The following PTPRD variants were observed in gnomAD, a reference collection of about 807,000 sequenced individuals.
PTPRD encodes receptor-type tyrosine-protein phosphatase delta.
A neutral mutation model predicts 214.5 loss-of-function variants in PTPRD; 34 were observed. The observed-to-expected ratio is 0.16, with a 90% CI of 0.12 to 0.21. PTPRD has a LOEUF of 0.21. Ranked by LOEUF, PTPRD falls within the 10% of genes least tolerant of loss-of-function variation. PTPRD has a pLI of 1.00. For missense variants in PTPRD, 2,545 were observed against 2,398.7 expected (o/e 1.06, Z -1.27); for synonymous variants, 1,128 against 845.7 (o/e 1.33, Z -5.79).
chr9:10,048,303 A>G (rs955243512), intron 3 of PTPRD, among the ~76,000 whole-genome samples: 3 of 152,048 alleles, frequency 2.0e-5, no homozygotes, highest in African/African-American at 4.8e-5. Flanking sequence ...GTTCTGGTCA[A>G]TAAGTACTCA....
At chr9:10,363,429 C>T (rs987724320) in intron 2 of PTPRD, among the ~76,000 whole-genome samples, 4 of 152,190 alleles carry the variant, frequency 2.6e-5, no homozygotes, top group African/African-American at 9.7e-5. Context: ...TTTTCACTGT[C>T]GCCATTATTT....
At chr9:8,318,447 A>C (rs1823710194) in intron 45 of PTPRD, among the ~76,000 whole-genome samples, 4 of 147,950 alleles carry the variant, frequency 2.7e-5, no homozygotes, top group Admixed American at 2.6e-4. Flanking sequence ...ATTTTTAAAA[A>C]ATTATGTTTG....
intron 6 of PTPRD, among the ~76,000 whole-genome samples, chr9:9,753,563 G>T (rs142385082): frequency 1.6e-4 from 24 of 152,032 alleles, no homozygotes; most frequent in African/African-American, 5.5e-4. Flanking sequence ...TTAAAATAAA[G>T]AAATTTTGGT....
At chr9:10,426,374 T>G (rs1350852612) in intron 2 of PTPRD, among the ~76,000 whole-genome samples, 1 of 152,018 alleles carries the variant, frequency 6.6e-6, no homozygotes, top group Non-Finnish European at 1.5e-5. Flanking sequence ...TGCTTGTACT[T>G]ATTTTCTTCA....
intron 2 of PTPRD, among the ~76,000 whole-genome samples, chr9:10,350,419 C>T (rs1220229543): frequency 6.6e-6 from 1 of 151,812 alleles, no homozygotes; most frequent in East Asian, 1.9e-4. Context: ...CTTAATCTTT[C>T]CAGATTTCAT....
intron 11 of PTPRD, among the ~76,000 whole-genome samples, chr9:8,813,243 G>A (rs1031723074): frequency 6.6e-6 from 1 of 151,982 alleles, no homozygotes; most frequent in African/African-American, 2.4e-5. Context: ...GACCAGACGA[G>A]GAGGAAGCAT....
At chr9:10,525,730 G>GTA (rs1376205107) in intron 2 of PTPRD, among the ~76,000 whole-genome samples, 3 of 149,330 alleles carry the variant, frequency 2.0e-5, no homozygotes, top group South Asian at 2.1e-4. Flanking sequence ...TTTTCAAAGT[G>GTA]TGTGTGTGTG....
intron 3 of PTPRD, among the ~76,000 whole-genome samples, chr9:10,142,371 C>A (rs2098991852): frequency 6.6e-6 from 1 of 151,708 alleles, no homozygotes. Flanking sequence ...TCGCAACCTA[C>A]TCATCTGACA....
chr9:9,833,411 T>C (rs1008794551), intron 5 of PTPRD, among the ~76,000 whole-genome samples: 22 of 151,856 alleles, frequency 1.4e-4, no homozygotes, highest in South Asian at 6.3e-4. Context: ...ATCAAGTACT[T>C]AACAGGGTAA....
chr9:9,144,007 C>T (rs895029771), intron 10 of PTPRD, among the ~76,000 whole-genome samples: 8 of 152,206 alleles, frequency 5.3e-5, no homozygotes, highest in African/African-American at 1.9e-4. Context: ...AGGCACACTT[C>T]TTCTAAGATC....
chr9:10,514,933 G>C (rs1431694648), intron 2 of PTPRD, among the ~76,000 whole-genome samples: 1 of 151,900 alleles, frequency 6.6e-6, no homozygotes, highest in Non-Finnish European at 1.5e-5. Flanking sequence ...TAAAAAGATG[G>C]ATTAAATTAA....
At chr9:9,620,819 G>C (rs1385699338) in intron 7 of PTPRD, among the ~76,000 whole-genome samples, 1 of 151,460 alleles carries the variant, frequency 6.6e-6, no homozygotes, top group African/African-American at 2.4e-5. Flanking sequence ...AGTTAGCTTT[G>C]CCAAGTGAGG....
chr9:8,608,839 C>CAT (rs1452946819), intron 14 of PTPRD, among the ~76,000 whole-genome samples: 2 of 152,100 alleles, frequency 1.3e-5, no homozygotes, highest in Non-Finnish European at 2.9e-5. Flanking sequence ...TGAATCGGGC[C>CAT]ATATGTACTT....
intron 10 of PTPRD, among the ~76,000 whole-genome samples, chr9:9,074,640 T>C (rs1365841585): frequency 1.3e-5 from 2 of 152,102 alleles, no homozygotes; most frequent in African/African-American, 4.8e-5. Context: ...TTCATGTGCC[T>C]GTTTGCCATT....
At chr9:9,842,229 T>C (rs1400109499) in intron 5 of PTPRD, among the ~76,000 whole-genome samples, 1 of 151,814 alleles carries the variant, frequency 6.6e-6, no homozygotes, top group African/African-American at 2.4e-5. Flanking sequence ...CTTATGGTTG[T>C]CTTTTTAGAT....
intron 2 of PTPRD, among the ~76,000 whole-genome samples, chr9:10,573,276 T>A (rs751573430): frequency 1.2e-4 from 18 of 152,182 alleles, no homozygotes; most frequent in Non-Finnish European, 2.4e-4. Flanking sequence ...CACACACGAA[T>A]GTTGAATGTT....
chr9:9,470,885 T>C (rs1162311361), intron 8 of PTPRD, among the ~76,000 whole-genome samples: 1 of 152,188 alleles, frequency 6.6e-6, no homozygotes, highest in Non-Finnish European at 1.5e-5. Flanking sequence ...ACTACAGATT[T>C]AACATGAATA....
At chr9:10,194,023 C>A (rs1273705122) in intron 3 of PTPRD, among the ~76,000 whole-genome samples, 1 of 152,052 alleles carries the variant, frequency 6.6e-6, no homozygotes, top group Non-Finnish European at 1.5e-5. Flanking sequence ...ATGTTCACCT[C>A]TTTCTCCAAA....
intron 5 of PTPRD, among the ~76,000 whole-genome samples, chr9:9,869,063 T>C (rs2064762834): frequency 6.6e-6 from 1 of 152,146 alleles, no homozygotes; most frequent in African/African-American, 2.4e-5. Flanking sequence ...CAGCAACCAA[T>C]ACATCAACTA....
Sources: gnomAD v4.1 joint callset for allele counts (sites outside exome capture counted in the v4.1 genomes callset) on GRCh38, gnomAD v4.1.1 for gene constraint, MANE v1.5 for transcripts, NCBI Gene and HGNC (gene_info 2026-07-23, HGNC 2026-07-21) for gene names.